Variants in GAS2 observed in about 807,000 individuals in gnomAD.
GAS2 encodes the protein growth arrest-specific protein 2.
In GAS2, 20 loss-of-function variants were observed where a neutral mutation model predicts 37.5. That is an observed-to-expected ratio of 0.53 (90% CI 0.37 to 0.77). The LOEUF (loss-of-function observed/expected upper bound fraction) is 0.77, where lower values mean the gene tolerates loss of function less well. GAS2 is among the 30% of genes least tolerant of loss of function. GAS2 has a pLI of 0.00. For synonymous variants in GAS2, 144 were observed against 132.2 expected, an observed-to-expected ratio of 1.09 and a Z score of -0.61; for missense variants, 336 against 373.4, an observed-to-expected ratio of 0.90 and a Z score of 0.82.
At chr11:22,651,915 A>C (rs1428328353) in intron 1 of GAS2, among the ~76,000 whole-genome samples, 2 of 152,182 alleles carry the variant, frequency 1.3e-5, no homozygotes, top group Admixed American at 6.5e-5. Context: ...TTCTTCTCTC[A>C]GCTCGTCAAA....
chr11:22,778,052 C>T (rs556480348), intron 7 of GAS2, among the ~76,000 whole-genome samples: 7 of 151,904 alleles, frequency 4.6e-5, no homozygotes, highest in Non-Finnish European at 7.4e-5. Context: ...AGGGAAGAGG[C>T]GAAGAAGAAA....
intron 4 of GAS2, among the ~76,000 whole-genome samples, chr11:22,729,105 T>C (rs1218718440): frequency 6.6e-6 from 1 of 151,674 alleles, no homozygotes; most frequent in Non-Finnish European, 1.5e-5. Flanking sequence ...TGTCCTAGTG[T>C]TTTGAACAGC....
intron 1 of GAS2, among the ~76,000 whole-genome samples, chr11:22,641,138 G>A (rs1858905397): frequency 6.7e-6 from 1 of 149,820 alleles, no homozygotes; most frequent in African/African-American, 2.4e-5. Context: ...GACTGGAGGA[G>A]GGAGGTTAAG....
chr11:22,737,518 T>C (rs1281252644), intron 4 of GAS2, among the ~76,000 whole-genome samples, 187 bp from the exon 5 acceptor site: 1 of 152,100 alleles, frequency 6.6e-6, no homozygotes, highest in East Asian at 1.9e-4. Context: ...AGGCAGAGTT[T>C]TGAGAACTAA....
At chr11:22,766,025 G>A (rs1401269596) in intron 7 of GAS2, among the ~76,000 whole-genome samples, 2 of 152,160 alleles carry the variant, frequency 1.3e-5, no homozygotes, top group African/African-American at 4.8e-5. Flanking sequence ...CACTCAGTGC[G>A]AGAGCTCACT....
intron 3 of GAS2, among the ~76,000 whole-genome samples, chr11:22,719,841 G>A (rs1489526268): frequency 6.6e-6 from 1 of 151,866 alleles, no homozygotes; most frequent in Non-Finnish European, 1.5e-5. Flanking sequence ...CTTTACAATC[G>A]TTTCTTTATT....
chr11:22,629,545 C>G (rs1858716235), intron 1 of GAS2, among the ~76,000 whole-genome samples: 1 of 152,148 alleles, frequency 6.6e-6, no homozygotes, highest in Non-Finnish European at 1.5e-5. Flanking sequence ...ATTTGCATTT[C>G]CCTGATAATT....
intron 7 of GAS2, among the ~76,000 whole-genome samples, chr11:22,784,758 C>G (rs1442890948): frequency 2.0e-5 from 3 of 152,114 alleles, no homozygotes; most frequent in Admixed American, 6.6e-5. Context: ...AGCCTAAATC[C>G]TCTGTGTATC....
intron 7 of GAS2, among the ~76,000 whole-genome samples, chr11:22,760,024 TG>T (rs1854287565): frequency 1.3e-5 from 2 of 152,198 alleles, no homozygotes. Context: ...AGTGCAGTGC[TG>T]CGGCTCACTG....
intron 7 of GAS2, among the ~76,000 whole-genome samples, chr11:22,780,749 G>A (rs188340459): frequency 6.7e-6 from 1 of 150,350 alleles, no homozygotes; most frequent in Admixed American, 6.6e-5. Context: ...CTGGTGGTAG[G>A]TCTCAGACAC....
intron 2 of GAS2, among the ~76,000 whole-genome samples, 174 bp downstream of exon 2, chr11:22,675,188 A>G (rs1849368042): frequency 1.3e-5 from 2 of 152,234 alleles, no homozygotes; most frequent in Non-Finnish European, 1.5e-5. Context: ...TGAATTTCCC[A>G]ATGTCTGTCA....
chr11:22,693,796 G>C (rs1159148925), intron 3 of GAS2, among the ~76,000 whole-genome samples: 5 of 152,174 alleles, frequency 3.3e-5, no homozygotes, highest in Non-Finnish European at 7.3e-5. Flanking sequence ...TTGGAAGGAA[G>C]CTTTATATAA....
chr11:22,779,270 T>C (rs1351104865), intron 7 of GAS2, among the ~76,000 whole-genome samples: 1 of 152,116 alleles, frequency 6.6e-6, no homozygotes, highest in Non-Finnish European at 1.5e-5. Flanking sequence ...GGAGAGACAA[T>C]AGAGAATAGA....
At chr11:22,690,802 T>A (rs1440233761) in intron 3 of GAS2, among the ~76,000 whole-genome samples, 1 of 152,154 alleles carries the variant, frequency 6.6e-6, no homozygotes, top group Admixed American at 6.6e-5. Context: ...CATTTATGCG[T>A]GAACTTTCTT....
chr11:22,632,779 A>G (rs1472265145), intron 1 of GAS2, among the ~76,000 whole-genome samples: 1 of 143,942 alleles, frequency 6.9e-6, no homozygotes. Context: ...TTTTTGTGTG[A>G]TTGGGTTAAT....
chr11:22,640,507 A>G (rs1339687760), intron 1 of GAS2, among the ~76,000 whole-genome samples: 1 of 152,270 alleles, frequency 6.6e-6, no homozygotes, highest in East Asian at 1.9e-4. Context: ...CTATTTTATC[A>G]ACAACATTTC....
chr11:22,756,044 A>G (rs1854017366), intron 7 of GAS2, 91 bp downstream of exon 7: 1 of 836,240 alleles, frequency 1.2e-6, no homozygotes. Flanking sequence ...AGGAACTTCC[A>G]TATGGTGCTT....
intron 2 of GAS2, among the ~76,000 whole-genome samples, chr11:22,682,303 C>A (rs1236956624): frequency 6.6e-6 from 1 of 150,500 alleles, no homozygotes; most frequent in East Asian, 2.0e-4. Flanking sequence ...CCATTTTTTT[C>A]TTTTTATGAT....
chr11:22,771,431 G>A (rs1854975317), intron 7 of GAS2, among the ~76,000 whole-genome samples: 1 of 152,076 alleles, frequency 6.6e-6, no homozygotes, highest in African/African-American at 2.4e-5. Context: ...AATGCAAAAG[G>A]AACCTCATGG....
Sources: gnomAD v4.1 joint callset for allele counts (sites outside exome capture counted in the v4.1 genomes callset) on GRCh38, gnomAD v4.1.1 for gene constraint, MANE v1.5 for transcripts, NCBI Gene and HGNC (gene_info 2026-07-23, HGNC 2026-07-21) for gene names.